Variants in ARHGEF11 observed in about 807,000 individuals in gnomAD.
The protein encoded by ARHGEF11 is Rho guanine exchange factor (GEF) 11.
In ARHGEF11, 55 loss-of-function variants were observed where a neutral mutation model predicts 193.7. The ratio of observed to expected loss-of-function variants is 0.28; its 90% CI spans 0.23 to 0.36. ARHGEF11 has a LOEUF of 0.36. ARHGEF11 is among the 10% of genes least tolerant of loss of function. The pLI is 1.00. For missense variants in ARHGEF11, 1,723 were observed against 2,005.6 expected, an observed-to-expected ratio of 0.86 and a Z score of 2.69; for synonymous variants, 693 against 768.0, an observed-to-expected ratio of 0.90 and a Z score of 1.62.
rs16837899 is a variant in ARHGEF11, at chr1:156,978,164, G to C, written c.510+40C>G. ...CTCCCCAATGCGGAGCTTTTCAACA[G>C]GACATTAGGGTGAGGAAAGAAAGCC... On this transcript the variant is annotated intron_variant, in intron 6 of 40. Coordinates refer to ENST00000368194, the MANE Select transcript of ARHGEF11 (RefSeq NM_198236.3). 4.6e-3 allele frequency: 7,440 copies of C among 1,613,072 alleles called. 277 individuals are homozygous for C. In the African/African-American group the frequency reaches 0.086, roughly 19 times the overall value.
chr1:156,959,659 GCT>G (rs1233154850), intron 15 of ARHGEF11, among the ~76,000 whole-genome samples: 1 of 152,214 alleles, frequency 6.6e-6, no homozygotes, highest in Non-Finnish European at 1.5e-5. Flanking sequence ...TTTTGAGCAA[GCT>G]CTGTTTACCC....
chr1:156,986,218 G>T, intron 1 of ARHGEF11, 45 bp from the exon 2 acceptor site: 2 of 1,532,468 alleles, frequency 1.3e-6, no homozygotes. Context: ...TCAGCAGGGG[G>T]GATCAGCCTT....
rs763954751 is a variant in ARHGEF11 at position 156,939,586 on chromosome 1, C to T, written c.4058G>A (p.Ser1353Asn). The change falls in exon 37 of 41, where the codon AGC becomes AAC. Residue 1353 changes from serine (S) to asparagine (N), a missense_variant. Physicochemically the swap from Ser to Asn is conservative, Grantham distance 46 (BLOSUM62 1). Around this residue, in one of 5 missense-constraint regions of ARHGEF11, gnomAD observed 360 missense variants for 344.4 expected, o/e 1.05. Coordinates refer to ENST00000368194, the MANE Select transcript of ARHGEF11 (RefSeq NM_198236.3). Reference sequence around the variant, plus strand: ...TTTGTAACCTCCTGCTGCCTCTGTGCTTGAAGCATCTTCAGCCAGATTCCT... The same window carrying T: ...TTTGTAACCTCCTGCTGCCTCTGTGTTTGAAGCATCTTCAGCCAGATTCCT... ...LDRNLAEDASSTEAAGGYKVV... is the reference protein window; with the variant it reads ...LDRNLAEDASNTEAAGGYKVV... 2 of 1,613,104 alleles carry T rather than the reference C, an allele frequency of 1.2e-6. No homozygotes were observed. Among genetic ancestry groups the T allele is most frequent in the South Asian group, 1.1e-5 (1 of 91,086 alleles).
At chr1:156,937,742 G>C (rs1045387132) in intron 38 of ARHGEF11, among the ~76,000 whole-genome samples, 1 of 152,226 alleles carries the variant, frequency 6.6e-6, no homozygotes, top group African/African-American at 2.4e-5. Flanking sequence ...ATGAACTCAA[G>C]GGAGAAGTGG....
At chr1:156,936,125 A>G in intron 40 of ARHGEF11, 67 bp from the exon 41 acceptor site, 2 of 1,508,112 alleles carry the variant, frequency 1.3e-6, no homozygotes, top group Non-Finnish European at 1.8e-6. Context: ...TGTTTTGTCT[A>G]GAAAGTTCAG....
intron 6 of ARHGEF11, among the ~76,000 whole-genome samples, chr1:156,977,311 C>T (rs1471164309): frequency 6.6e-6 from 1 of 152,186 alleles, no homozygotes; most frequent in Non-Finnish European, 1.5e-5. Flanking sequence ...GTCTTCATTC[C>T]AACTGAAAAG....
At chr1:156,992,661 C>T (rs1173273077) in intron 1 of ARHGEF11, among the ~76,000 whole-genome samples, 2 of 152,096 alleles carry the variant, frequency 1.3e-5, no homozygotes, top group African/African-American at 4.8e-5. Context: ...CAATAAAATA[C>T]AGATTTCTGA....
chr1:157,043,101 TGA>T (rs1016483560), intron 1 of ARHGEF11, among the ~76,000 whole-genome samples: 1 of 152,108 alleles, frequency 6.6e-6, no homozygotes, highest in African/African-American at 2.4e-5. Context: ...GATTAGTGCT[TGA>T]GAGAGAGAGA....
chr1:156,970,085 C>T, intron 8 of ARHGEF11, 42 bp from the exon 9 acceptor site: 3 of 1,580,014 alleles, frequency 1.9e-6, no homozygotes, highest in Non-Finnish European at 2.6e-6. Context: ...TTCTGTGAGC[C>T]TCTCCCCCTA....
intron 15 of ARHGEF11, among the ~76,000 whole-genome samples, chr1:156,959,471 T>A (rs114015004): frequency 6.6e-6 from 1 of 152,192 alleles, no homozygotes; most frequent in Non-Finnish European, 1.5e-5. Context: ...TCTGAGAGGC[T>A]TGTTCCCCTC....
At chr1:157,041,131 T>C (rs1395595219) in intron 1 of ARHGEF11, among the ~76,000 whole-genome samples, 2 of 152,200 alleles carry the variant, frequency 1.3e-5, no homozygotes, top group African/African-American at 4.8e-5. Context: ...AACCCTCCTG[T>C]CCATCTCAAA....
intron 7 of ARHGEF11, among the ~76,000 whole-genome samples, chr1:156,974,179 T>C (rs1271383442): frequency 1.3e-5 from 2 of 152,128 alleles, no homozygotes; most frequent in African/African-American, 2.4e-5. Flanking sequence ...GCGGTCCTCC[T>C]ACCTCAGCCT....
In ARHGEF11 at chr1:156,978,290, G is replaced by A. The variant is rs765294400; in HGVS notation, c.424C>T (p.Pro142Ser). 3.7e-6 allele frequency: 6 copies of A among 1,614,042 alleles called. No individual in the cohort carries two copies. The highest frequency in any genetic ancestry group is 5.1e-6 in the Non-Finnish European group (6 of 1,180,028). The change falls in exon 6 of 41, where the codon CCC (proline) becomes TCC (serine). Residue 142 changes from proline to serine, a missense_variant. This residue lies in a region of ARHGEF11 where 646 missense variants were observed against 710.7 expected (regional missense o/e 0.91). Coordinates refer to ENST00000368194, the MANE Select transcript of ARHGEF11 (RefSeq NM_198236.3). ...GAGGGGATCACTGACGTGATTCGGG[G>A]AGCTCCTGCTGGGGATGGGTCCTGC... ...LQQDPSPAGA[P>S]RITSVIPSPP...
At chr1:157,033,309 T>C (rs952764967) in intron 1 of ARHGEF11, among the ~76,000 whole-genome samples, 1 of 152,062 alleles carries the variant, frequency 6.6e-6, no homozygotes, top group African/African-American at 2.4e-5. Context: ...AAGGGTATCA[T>C]CCTTGCCCCA....
At position 156,942,681 on chromosome 1, in the gene ARHGEF11, A is replaced by C. The variant is rs761464062; in HGVS notation, c.3326+9T>G. 2 of 1,612,710 alleles carry C rather than the reference A, an allele frequency of 1.2e-6. No homozygotes were observed. On this transcript the variant is annotated intron_variant, in intron 33 of 40. Coordinates refer to ENST00000368194, the MANE Select transcript of ARHGEF11 (RefSeq NM_198236.3). ...CACAGTTACGGGTAACCCCTCAATCAATTCTCACGTGTTCTTGTCTGATGA... is the reference window on the plus strand; with the variant it reads ...CACAGTTACGGGTAACCCCTCAATCCATTCTCACGTGTTCTTGTCTGATGA...
In ARHGEF11 at chr1:156,935,940, G is replaced by T. The variant is rs539539608; in HGVS notation, c.*60C>A. On this transcript the variant is annotated 3_prime_UTR_variant, in exon 41 of 41. Transcript: ENST00000368194. ...TGGGATCCCCCCTACCCTGTGCCCC[G>T]GTCTCAGGCCAGTCCCTGAAGGAGG... 2.6e-6 allele frequency: 4 copies of T among 1,552,766 alleles called. 1 individual carries two copies. Among genetic ancestry groups the T allele is most frequent in the African/African-American group, 2.7e-5 (2 of 73,590 alleles).
intron 1 of ARHGEF11, among the ~76,000 whole-genome samples, chr1:157,000,954 G>A (rs928902768): frequency 6.6e-6 from 1 of 152,198 alleles, no homozygotes; most frequent in Non-Finnish European, 1.5e-5. Flanking sequence ...GTAGAAGAAA[G>A]AAGGGCGTGC....
chr1:156,969,163 C>G, intron 10 of ARHGEF11, 119 bp downstream of exon 10: 1 of 798,054 alleles, frequency 1.3e-6, no homozygotes, highest in Non-Finnish European at 2.1e-6. Context: ...ATCCTTGGAA[C>G]TAGAACGATG....
At chr1:157,007,555 G>A (rs1667975060) in intron 1 of ARHGEF11, among the ~76,000 whole-genome samples, 1 of 151,980 alleles carries the variant, frequency 6.6e-6, no homozygotes, top group Admixed American at 6.6e-5. Flanking sequence ...CAGAATGATG[G>A]GGTTGTGCGG....
Sources: gnomAD v4.1 joint callset for allele counts (sites outside exome capture counted in the v4.1 genomes callset) on GRCh38, gnomAD v4.1.1 for gene constraint, gnomAD v4.1.1 regional missense constraint, MANE v1.5 for transcripts, NCBI Gene and HGNC (gene_info 2026-07-23, HGNC 2026-07-21) for gene names.